Variants in ZNF524 observed in about 807,000 individuals in gnomAD.
ZNF524 encodes zinc finger protein 524.
For synonymous variants in ZNF524, 194 were observed against 166.3 expected, an observed-to-expected ratio of 1.17 and a Z score of -1.28; for missense variants, 388 against 380.1, an observed-to-expected ratio of 1.02 and a Z score of -0.17.
rs767513397 is a variant in ZNF524, at chr19:55,602,442, G to T, written c.330G>T (p.Arg110Ser). 16 of 1,595,114 alleles carry T rather than the reference G, an allele frequency of 1.0e-5. No homozygotes were observed. The highest frequency in any genetic ancestry group is 1.4e-5 in the Non-Finnish European group (16 of 1,174,218). Residue 110 changes from arginine (R) to serine (S), a missense_variant, in exon 2 of 2, where the codon AGG becomes AGT. Physicochemically the swap from Arg to Ser is moderately radical, Grantham distance 110 (BLOSUM62 -1). Transcript: ENST00000301073. ...SAAGPEGSGP[R>S]KAPHFCPVCL... ...CTGGGCCTGAGGGCTCTGGCCCCAGGAAGGCCCCACACTTCTGCCCGGTGT... is the reference window on the plus strand; with the variant it reads ...CTGGGCCTGAGGGCTCTGGCCCCAGTAAGGCCCCACACTTCTGCCCGGTGT...
Position 55,603,066 on chromosome 19 carries a change from C to T in ZNF524, c.*159C>T. Reference sequence around the variant, plus strand: ...GACCTAAACTTTGGGGTCCAGCTGCCTTCAGCCCCCCTCCCCCAGACTAAC... The same window carrying T: ...GACCTAAACTTTGGGGTCCAGCTGCTTTCAGCCCCCCTCCCCCAGACTAAC... On this transcript the variant is annotated 3_prime_UTR_variant, in exon 2 of 2. Coordinates refer to ENST00000301073, the MANE Select transcript of ZNF524 (RefSeq NM_153219.4). 1 of 811,664 alleles carries T rather than the reference C, an allele frequency of 1.2e-6. No homozygotes were observed. The highest frequency in any genetic ancestry group is 1.9e-6 in the Non-Finnish European group (1 of 520,230). 50.3% of individuals were successfully genotyped at this position (811,664 alleles called of 1,614,324 possible).
chr19:55,602,560 A>T lies in ZNF524; in HGVS notation c.448A>T (p.Thr150Ser), dbSNP rs1445545525. ...GCACCAGTGCAAGGTTTGCGGCAAG[A>T]CCTTCAAGCGCTCCAGCCACCTGCG... is the stretch of plus-strand genomic sequence containing the variant. ...KPHQCKVCGK[T>S]FKRSSHLRRH... The change falls in exon 2 of 2, where the codon ACC (threonine) becomes TCC (serine). Residue 150 changes from threonine (T) to serine (S), a missense_variant. By Grantham distance (58) the Thr-to-Ser change is moderately conservative. Transcript: ENST00000301073. The T allele has an allele frequency of 6.3e-7, 1 of 1,589,170 alleles. No homozygotes were observed. Among genetic ancestry groups the T allele is most frequent in the Non-Finnish European group, 8.5e-7 (1 of 1,173,926 alleles).
chr19:55,602,086 G>T lies in ZNF524; in HGVS notation c.-27G>T. ...CTCTCTCCTCTTAGCTGGCTCCAGT[G>T]CCCAGACCCAAGCCCCCCACTGCTC... On this transcript the variant is annotated 5_prime_UTR_variant, in exon 2 of 2. Coordinates refer to ENST00000301073, the MANE Select transcript of ZNF524 (RefSeq NM_153219.4). 6.6e-7 allele frequency: 1 copy of T among 1,515,836 alleles called. No homozygotes were observed. Among genetic ancestry groups the T allele is most frequent in the Non-Finnish European group, 8.8e-7 (1 of 1,132,266 alleles). The allele number at this position is 1,515,836 out of a possible 1,614,324, so 93.9% of individuals were successfully genotyped here.
Position 55,602,777 on chromosome 19 carries a change from C to T in ZNF524, c.665C>T (p.Pro222Leu), listed in dbSNP as rs547982572. Residue 222 changes from proline to leucine, a missense_variant, in exon 2 of 2, where the codon CCG becomes CTG. Physicochemically the swap from Pro to Leu is moderately conservative, Grantham distance 98. Coordinates refer to ENST00000301073, the MANE Select transcript of ZNF524 (RefSeq NM_153219.4). ...TLRRHAKRKH[P>L]EAMGVPLCAP... ...CGGCGCCATGCGAAGCGCAAGCACCCGGAGGCCATGGGGGTACCCCTGTGT... is the reference window on the plus strand; with the variant it reads ...CGGCGCCATGCGAAGCGCAAGCACCTGGAGGCCATGGGGGTACCCCTGTGT... 7.5e-6 allele frequency: 12 copies of T among 1,610,688 alleles called. No homozygotes were observed. The Admixed American group carries it at 1.5e-4, about 20-fold the overall frequency.
chr19:55,602,797 C>A lies in ZNF524; in HGVS notation c.685C>A (p.Leu229Met). The part of the protein sequence containing the change: ...RKHPEAMGVP[L>M]CAPDPGSEPP... ...GCACCCGGAGGCCATGGGGGTACCC[C>A]TGTGTGCACCAGATCCAGGGTCTGA... The change falls in exon 2 of 2, where the codon CTG (leucine) becomes ATG (methionine). Residue 229 changes from leucine (L) to methionine (M), a missense_variant. Physicochemically the swap from Leu to Met is conservative, Grantham distance 15 (BLOSUM62 2). Coordinates refer to ENST00000301073, the MANE Select transcript of ZNF524 (RefSeq NM_153219.4). The A allele has an allele frequency of 1.2e-6, 2 of 1,611,240 alleles. No homozygotes were observed. Among genetic ancestry groups the A allele is most frequent in the Non-Finnish European group, 1.7e-6 (2 of 1,179,754 alleles).
Position 55,603,068 on chromosome 19 carries a change from T to A in ZNF524, c.*161T>A. On this transcript the variant is annotated 3_prime_UTR_variant, in exon 2 of 2. Transcript: ENST00000301073. Reference sequence around the variant, plus strand: ...CCTAAACTTTGGGGTCCAGCTGCCTTCAGCCCCCCTCCCCCAGACTAACAG... The same window carrying A: ...CCTAAACTTTGGGGTCCAGCTGCCTACAGCCCCCCTCCCCCAGACTAACAG... The A allele has an allele frequency of 1.3e-6, 1 of 784,146 alleles. No homozygotes were observed. Among genetic ancestry groups the A allele is most frequent in the Non-Finnish European group, 2.0e-6 (1 of 495,240 alleles). The allele number at this position is 784,146 out of a possible 1,614,324, so 48.6% of individuals were successfully genotyped here.
In ZNF524 at chr19:55,602,676, C is replaced by T. The variant is rs771693724; in HGVS notation, c.564C>T (p.His188=). The change falls in exon 2 of 2, where the codon CAC becomes CAT. Residue 188 remains histidine (H), a synonymous_variant. Coordinates refer to ENST00000301073, the MANE Select transcript of ZNF524 (RefSeq NM_153219.4). ...RFREAGELAH[H]HRVHSGERPY... is the part of the protein sequence containing the mutation. Reference sequence around the variant, plus strand: ...GCGAGGCGGGCGAGCTGGCGCACCACCACCGCGTGCACTCGGGGGAGCGCC... The same window carrying T: ...GCGAGGCGGGCGAGCTGGCGCACCATCACCGCGTGCACTCGGGGGAGCGCC... 2.1e-5 allele frequency: 33 copies of T among 1,598,362 alleles called. No individual in the cohort carries two copies. The highest frequency in any genetic ancestry group is 8.4e-5 in the Admixed American group (5 of 59,504).
At position 55,602,569 on chromosome 19, in the gene ZNF524, C is replaced by A; in HGVS notation, c.457C>A (p.Arg153Ser). 6.3e-7 allele frequency: 1 copy of A among 1,587,748 alleles called. No individual in the cohort carries two copies. Among genetic ancestry groups the A allele is most frequent in the African/African-American group, 1.3e-5 (1 of 74,562 alleles). ...CAAGGTTTGCGGCAAGACCTTCAAG[C>A]GCTCCAGCCACCTGCGGCGGCACTG... ...QCKVCGKTFK[R>S]SSHLRRHCNI... Residue 153 changes from arginine to serine, a missense_variant, in exon 2 of 2, where the codon CGC becomes AGC. Transcript: ENST00000301073.
chr19:55,601,527 T>C (rs1296879041), intron 1 of ZNF524: 1 of 152,276 alleles, frequency 6.6e-6, no homozygotes, highest in Non-Finnish European at 1.5e-5. Context: ...GAACGAATGA[T>C]GTCTTGACTC....
In ZNF524 at chr19:55,602,103, C is replaced by T. The variant is rs755718393; in HGVS notation, c.-10C>T. 4 of 1,521,206 alleles carry T rather than the reference C, an allele frequency of 2.6e-6. No individual in the cohort carries two copies. The highest frequency in any genetic ancestry group is 2.2e-5 in the Admixed American group (1 of 45,612). The allele number at this position is 1,521,206 out of a possible 1,614,324, so 94.2% of individuals were successfully genotyped here. A position where few individuals can be genotyped will look rare whatever the true frequency, so the allele number is the denominator to read the frequency against. On this transcript the variant is annotated 5_prime_UTR_variant, in exon 2 of 2. Transcript: ENST00000301073. ...GCTCCAGTGCCCAGACCCAAGCCCC[C>T]CACTGCTCAATGGACACCCCCAGCC...
rs747796764 is a variant in ZNF524, at chr19:55,602,759, A to G, written c.647A>G (p.His216Arg). The G allele has an allele frequency of 1.9e-6, 3 of 1,609,728 alleles. No homozygotes were observed. The highest frequency in any genetic ancestry group is 1.7e-5 in the Admixed American group (1 of 59,982). ...ACAGAGGCCAACACGCTCCGGCGCC[A>G]TGCGAAGCGCAAGCACCCGGAGGCC... ...RFTEANTLRR[H>R]AKRKHPEAMG... Residue 216 changes from histidine to arginine, a missense_variant, in exon 2 of 2, where the codon CAT becomes CGT. Transcript: ENST00000301073.
At position 55,602,363 on chromosome 19, in the gene ZNF524, T is replaced by C. The variant is rs1980733293; in HGVS notation, c.251T>C (p.Leu84Pro). The change falls in exon 2 of 2, where the codon CTC (leucine) becomes CCC (proline). Residue 84 changes from leucine (L) to proline (P), a missense_variant. Transcript: ENST00000301073. ...APVGSSGGSD[L>P]LLIDDQGVPY... ...GTAGGCAGCAGTGGCGGGAGCGACCTCCTCCTGATCGATGATCAGGGTGTG... is the reference window on the plus strand; with the variant it reads ...GTAGGCAGCAGTGGCGGGAGCGACCCCCTCCTGATCGATGATCAGGGTGTG... 1.3e-6 allele frequency: 2 copies of C among 1,560,436 alleles called. No homozygotes were observed. The highest frequency in any genetic ancestry group is 1.9e-5 in the Admixed American group (1 of 52,280).
intron 1 of ZNF524, chr19:55,601,090 G>A (rs961791737): frequency 6.6e-6 from 1 of 152,218 alleles, no homozygotes; most frequent in Non-Finnish European, 1.5e-5. Flanking sequence ...AAAGTCAATT[G>A]CTAGTTATAG....
chr19:55,602,469 C>T lies in ZNF524; in HGVS notation c.357C>T (p.Cys119=), dbSNP rs1348882016. The T allele has an allele frequency of 6.3e-7, 1 of 1,598,400 alleles. No homozygotes were observed. Among genetic ancestry groups the T allele is most frequent in the South Asian group, 1.1e-5 (1 of 89,966 alleles). The stretch of plus-strand genomic sequence containing the variant: ...AGGCCCCACACTTCTGCCCGGTGTG[C>T]CTGCGGGCCTTCCCCTACCTCTCCG... ...PRKAPHFCPV[C]LRAFPYLSDL... is the part of the protein sequence containing the mutation. The change falls in exon 2 of 2, where the codon TGC becomes TGT. Residue 119 remains cysteine (C), a synonymous_variant. Coordinates refer to ENST00000301073, the MANE Select transcript of ZNF524 (RefSeq NM_153219.4).
Position 55,601,699 on chromosome 19 carries a change from G to T in ZNF524, c.-38-376G>T, listed in dbSNP as rs144351117. 3.4e-3 allele frequency: 529 copies of T among 155,348 alleles called. 3 individuals carry two copies. The highest frequency in any genetic ancestry group is 0.012 in the African/African-American group (513 of 41,600). 9.6% of individuals were successfully genotyped at this position (155,348 alleles called of 1,614,324 possible). A position where few individuals can be genotyped will look rare whatever the true frequency, so the allele number is the denominator to read the frequency against. Reference sequence around the variant, plus strand: ...CATTCGTGAGGCCTCTATGGCTCTGGAGTTTGATGGGCTCTCCGTTTCAAG... The same window carrying T: ...CATTCGTGAGGCCTCTATGGCTCTGTAGTTTGATGGGCTCTCCGTTTCAAG... On this transcript the variant is annotated intron_variant, in intron 1 of 1. Transcript: ENST00000301073.
chr19:55,600,646 C>G (rs1180671940), intron 1 of ZNF524: 3 of 152,126 alleles, frequency 2.0e-5, no homozygotes, highest in East Asian at 1.9e-4. Context: ...GGCTTCGCAG[C>G]TCGGGGGCCG....
chr19:55,600,247 G>A (rs1168933129), upstream of ZNF524: 1 of 150,864 alleles, frequency 6.6e-6, no homozygotes, highest in Non-Finnish European at 1.5e-5. Flanking sequence ...GAAGGGAGGG[G>A]CCCGGCGCTT....
Position 55,602,484 on chromosome 19 carries a change from C to T in ZNF524, c.372C>T (p.Pro124=). 3 of 1,598,226 alleles carry T rather than the reference C, an allele frequency of 1.9e-6. No homozygotes were observed. The highest frequency in any genetic ancestry group is 2.5e-6 in the Non-Finnish European group (3 of 1,177,814). The change falls in exon 2 of 2, where the codon CCC becomes CCT. Residue 124 remains proline, a synonymous_variant. Transcript: ENST00000301073. ...GCCCGGTGTGCCTGCGGGCCTTCCC[C>T]TACCTCTCCGACCTGGAGCGCCACA... ...HFCPVCLRAF[P]YLSDLERHSI...
At position 55,602,586 on chromosome 19, in the gene ZNF524, G is replaced by A. The variant is rs1341573457; in HGVS notation, c.474G>A (p.Arg158=). The A allele has an allele frequency of 6.3e-7, 1 of 1,584,786 alleles. No homozygotes were observed. Among genetic ancestry groups the A allele is most frequent in the Non-Finnish European group, 8.5e-7 (1 of 1,171,852 alleles). Residue 158 remains arginine, a synonymous_variant, in exon 2 of 2, where the codon CGG becomes CGA. Coordinates refer to ENST00000301073, the MANE Select transcript of ZNF524 (RefSeq NM_153219.4). ...GKTFKRSSHL[R]RHCNIHAGLR... is the part of the protein sequence containing the mutation. ...CCTTCAAGCGCTCCAGCCACCTGCG[G>A]CGGCACTGCAACATCCATGCCGGCC...
Sources: gnomAD v4.1 joint callset for allele counts on GRCh38, gnomAD v4.1.1 for gene constraint, MANE v1.5 for transcripts, NCBI Gene and HGNC (gene_info 2026-07-23, HGNC 2026-07-21) for gene names.